DSCAM: variants seen among roughly 807,000 people sequenced by gnomAD.
The protein encoded by DSCAM is cell adhesion molecule DSCAM.
Under a neutral mutation model 217.7 loss-of-function variants are expected in DSCAM, and 47 were observed. That is an observed-to-expected ratio of 0.22 (90% CI 0.17 to 0.28). DSCAM has a LOEUF of 0.28. DSCAM is among the 10% of genes least tolerant of loss of function. DSCAM has a pLI of 1.00. For synonymous variants in DSCAM, 1,056 were observed against 1,015.3 expected (o/e 1.04, Z -0.76); for missense variants, 2,080 against 2,618.3 (o/e 0.79, Z 4.49).
At chr21:40,360,935 G>A (rs1191484182) in intron 4 of DSCAM, among the ~76,000 whole-genome samples, 1 of 152,192 alleles carries the variant, frequency 6.6e-6, no homozygotes, top group Non-Finnish European at 1.5e-5. Flanking sequence ...ACCACCAGTA[G>A]TGTATAAGTG....
chr21:40,415,828 T>G (rs932647058), intron 3 of DSCAM, among the ~76,000 whole-genome samples: 8 of 152,218 alleles, frequency 5.3e-5, no homozygotes, highest in South Asian at 2.1e-4. Context: ...CCGCAATCCC[T>G]ATACACACCT....
At chr21:40,428,801 C>T (rs993032877) in intron 3 of DSCAM, among the ~76,000 whole-genome samples, 10 of 151,836 alleles carry the variant, frequency 6.6e-5, no homozygotes, top group African/African-American at 2.2e-4. Context: ...GACATGATAT[C>T]GTTCTACTTC....
chr21:40,067,277 A>T (rs1254076595), intron 27 of DSCAM, among the ~76,000 whole-genome samples: 2 of 152,132 alleles, frequency 1.3e-5, no homozygotes, highest in Non-Finnish European at 2.9e-5. Context: ...AAAGTCAAAA[A>T]CTCCTAAGTT....
At position 40,467,930 on chromosome 21, in the gene DSCAM, C is replaced by A. The variant is rs796343530; in HGVS notation, c.509-98685G>T. Reference sequence around the variant, plus strand: ...AAATAAGATAGCTACAAAGATTAACCAAAAAAAAAAAAAAAAAAAAACTAC... The same window carrying A: ...AAATAAGATAGCTACAAAGATTAACAAAAAAAAAAAAAAAAAAAAAACTAC... On this transcript the variant is annotated intron_variant, in intron 3 of 32. Transcript: ENST00000400454. 5.3e-3 allele frequency among the ~76,000 whole-genome samples: 449 copies of A among 84,078 alleles called. 2 individuals are homozygous for A. Among genetic ancestry groups the A allele is most frequent in the African/African-American group, 0.014 (298 of 21,574 alleles). The allele number at this position is 84,078 out of a possible 152,430, so 55.2% of individuals were successfully genotyped here. A position where few individuals can be genotyped will look rare whatever the true frequency, so the allele number is the denominator to read the frequency against.
At chr21:40,467,206 G>T (rs2075852361) in intron 3 of DSCAM, among the ~76,000 whole-genome samples, 1 of 152,124 alleles carries the variant, frequency 6.6e-6, no homozygotes, top group Admixed American at 6.5e-5. Context: ...CACAAAGATA[G>T]GTCACAAATT....
chr21:40,013,369 G>T lies in DSCAM; in HGVS notation c.5704C>A (p.Pro1902Thr). The change falls in exon 33 of 33, where the codon CCT becomes ACT. Residue 1902 changes from proline (P) to threonine (T), a missense_variant. Pro to Thr is a conservative substitution (Grantham distance 38). This residue lies in a region of DSCAM where 145 missense variants were observed against 138.5 expected (regional missense o/e 1.05). Coordinates refer to ENST00000400454, the MANE Select transcript of DSCAM (RefSeq NM_001389.5). ...AHRPGDLIHL[P>T]PYLRMDFLLN... ...AAAAAGTCCATTCTAAGGTATGGAG[G>T]CAAATGTATGAGGTCACCTAGAAGG... 1 of 1,570,240 alleles carries T rather than the reference G, an allele frequency of 6.4e-7. No individual in the cohort carries two copies.
At chr21:40,663,755 G>GT (rs1241642472) in intron 3 of DSCAM, among the ~76,000 whole-genome samples, 1 of 152,208 alleles carries the variant, frequency 6.6e-6, no homozygotes, top group African/African-American at 2.4e-5. Context: ...TCCAAGAGCA[G>GT]TAAGACTGAC....
At chr21:40,639,075 ATT>A (rs3070826) in intron 3 of DSCAM, among the ~76,000 whole-genome samples, 274 of 145,992 alleles carry the variant, frequency 1.9e-3, no homozygotes, top group Middle Eastern at 3.6e-3. Flanking sequence ...AATATCCTGC[ATT>A]TTTTTTTTTT....
intron 3 of DSCAM, among the ~76,000 whole-genome samples, chr21:40,573,805 C>A (rs775212933): frequency 2.0e-5 from 3 of 152,050 alleles, no homozygotes; most frequent in Non-Finnish European, 4.4e-5. Flanking sequence ...GTAGTAGCAT[C>A]TCTCCAGGTT....
Position 40,047,540 on chromosome 21 carries a change from AT to A in DSCAM, c.5186-3266del, listed in dbSNP as rs1451456016. On this transcript the variant is annotated intron_variant, in intron 30 of 32. Transcript: ENST00000400454. ...AAGCTTCTGCCCATTGAATCAGATT[AT>A]TTTAATTATCCTGAGTTTGGGATGA... Among the ~76,000 whole-genome samples, 4 of 152,308 alleles carry A rather than the reference AT, an allele frequency of 2.6e-5. No homozygotes were observed. The East Asian group carries it at 7.7e-4, about 29-fold the overall frequency.
rs191206940 is a variant in DSCAM, at chr21:40,661,030, T to C, written c.508+31780A>G. 1.2e-4 allele frequency among the ~76,000 whole-genome samples: 19 copies of C among 152,296 alleles called. No homozygotes were observed. The East Asian group carries it at 2.1e-3, about 17-fold the overall frequency. Reference sequence around the variant, plus strand: ...GCCTGTTTTGGACTCTGATTACATTTGAACACCCCAGGCTCACTCACCCTT... The same window carrying C: ...GCCTGTTTTGGACTCTGATTACATTCGAACACCCCAGGCTCACTCACCCTT... On this transcript the variant is annotated intron_variant, in intron 3 of 32. Transcript: ENST00000400454.
At chr21:40,372,207 C>A (rs1432987135) in intron 3 of DSCAM, among the ~76,000 whole-genome samples, 1 of 152,192 alleles carries the variant, frequency 6.6e-6, no homozygotes, top group Admixed American at 6.5e-5. Context: ...ACCCCACTTG[C>A]TACCTTATGC....
intron 3 of DSCAM, among the ~76,000 whole-genome samples, chr21:40,515,536 A>G (rs1368534615): frequency 6.6e-6 from 1 of 152,196 alleles, no homozygotes; most frequent in African/African-American, 2.4e-5. Context: ...AACGGTGATC[A>G]ATTTCAGAAA....
chr21:40,382,463 G>A (rs1002421315), intron 3 of DSCAM, among the ~76,000 whole-genome samples: 21 of 152,176 alleles, frequency 1.4e-4, no homozygotes, highest in African/African-American at 5.1e-4. Context: ...CATTTATAAT[G>A]GGAATAGCAG....
At chr21:40,106,662 T>G (rs1047376998) in intron 20 of DSCAM, among the ~76,000 whole-genome samples, 3 of 152,204 alleles carry the variant, frequency 2.0e-5, no homozygotes, top group Non-Finnish European at 4.4e-5. Flanking sequence ...ATTATTGGTA[T>G]GTTCGGGGAT....
intron 3 of DSCAM, among the ~76,000 whole-genome samples, chr21:40,576,141 C>A (rs541360807): frequency 6.6e-6 from 1 of 152,120 alleles, no homozygotes; most frequent in African/African-American, 2.4e-5. Context: ...AAAAAGGCTT[C>A]TACAAAAATA....
At chr21:40,683,665 G>T (rs2090441429) in intron 3 of DSCAM, among the ~76,000 whole-genome samples, 1 of 152,092 alleles carries the variant, frequency 6.6e-6, no homozygotes, top group Non-Finnish European at 1.5e-5. Context: ...CACGGTGGGA[G>T]GCTAAGCTGG....
chr21:40,673,928 G>C (rs553525487), intron 3 of DSCAM, among the ~76,000 whole-genome samples: 2 of 152,014 alleles, frequency 1.3e-5, no homozygotes, highest in South Asian at 4.2e-4. Flanking sequence ...CCCAGCCTCA[G>C]GTATTTCTTT....
intron 28 of DSCAM, among the ~76,000 whole-genome samples, chr21:40,058,303 A>G (rs1465332873): frequency 6.6e-6 from 1 of 152,114 alleles, no homozygotes; most frequent in Non-Finnish European, 1.5e-5. Flanking sequence ...TCATCTTTCC[A>G]GTGGAGCCAG....
Sources: allele counts gnomAD v4.1 joint callset (sites outside exome capture counted in the v4.1 genomes callset), GRCh38; gene constraint gnomAD v4.1.1; regional missense constraint gnomAD v4.1.1; transcripts MANE v1.5; gene names NCBI Gene and HGNC (gene_info 2026-07-23, HGNC 2026-07-21).